The following RAP1GAP2 variants were observed in gnomAD, a reference collection of about 807,000 sequenced individuals.
RAP1GAP2 encodes the protein rap1 GTPase-activating protein 2.
Under a neutral mutation model 95.0 loss-of-function variants are expected in RAP1GAP2, and 27 were observed. The ratio of observed to expected loss-of-function variants is 0.28; its 90% CI spans 0.21 to 0.39. The LOEUF is 0.39. Among genes scored for constraint, RAP1GAP2 ranks in the 10% least tolerant of loss-of-function variants. RAP1GAP2 has a pLI of 1.00. For missense variants in RAP1GAP2, 771 were observed against 970.0 expected (o/e 0.79, Z 2.72); for synonymous variants, 373 against 380.9 (o/e 0.98, Z 0.24).
chr17:3,007,353 C>T (rs2046372807), intron 16 of RAP1GAP2, among the ~76,000 whole-genome samples: 2 of 151,994 alleles, frequency 1.3e-5, no homozygotes, highest in South Asian at 2.1e-4. Context: ...GGTTGCAGGG[C>T]AAGAGGTGCA....
At chr17:2,878,251 A>G (rs946525392) in intron 2 of RAP1GAP2, among the ~76,000 whole-genome samples, 1 of 152,072 alleles carries the variant, frequency 6.6e-6, no homozygotes, top group East Asian at 1.9e-4. Flanking sequence ...AAGAGAACCT[A>G]GGAGGAGGAG....
At chr17:2,930,039 G>A (rs772587371) in intron 3 of RAP1GAP2, among the ~76,000 whole-genome samples, 3 of 152,212 alleles carry the variant, frequency 2.0e-5, no homozygotes, top group Non-Finnish European at 2.9e-5. Flanking sequence ...AGTGCCTTGG[G>A]GCCATGGTGT....
chr17:2,917,221 G>T (rs1378503585), intron 3 of RAP1GAP2, among the ~76,000 whole-genome samples: 1 of 152,128 alleles, frequency 6.6e-6, no homozygotes, highest in African/African-American at 2.4e-5. Flanking sequence ...TAAGAATACA[G>T]TTTCTGGAGC....
In RAP1GAP2 at chr17:2,867,593, T is replaced by C. The variant is rs2072667354; in HGVS notation, c.81-37691T>C. Among the ~76,000 whole-genome samples the C allele has an allele frequency of 6.6e-6, 1 of 152,160 alleles. No individual in the cohort carries two copies. Among genetic ancestry groups the C allele is most frequent in the African/African-American group, 2.4e-5 (1 of 41,444 alleles). ...TGAGTCACATACGCATCCCTGAACTTTGGCCAGAGGGGTGGGATACACTGA... is the reference window on the plus strand; with the variant it reads ...TGAGTCACATACGCATCCCTGAACTCTGGCCAGAGGGGTGGGATACACTGA... On this transcript the variant is annotated intron_variant, in intron 2 of 24. Coordinates refer to ENST00000254695, the MANE Select transcript of RAP1GAP2 (RefSeq NM_015085.5). The surrounding 1 kb of genome is among the most constrained non-coding windows in gnomAD (Gnocchi z 4.5).
intron 11 of RAP1GAP2, among the ~76,000 whole-genome samples, chr17:2,987,381 G>A (rs2045590758): frequency 1.3e-5 from 2 of 151,064 alleles, no homozygotes; most frequent in South Asian, 4.2e-4. Context: ...TTATTTTTTT[G>A]AGACGGAGTT....
intron 3 of RAP1GAP2, among the ~76,000 whole-genome samples, chr17:2,942,453 G>A (rs1447633388): frequency 6.6e-6 from 1 of 152,016 alleles, no homozygotes; most frequent in Non-Finnish European, 1.5e-5. Flanking sequence ...TTAAAATTTT[G>A]TGTCATCCAT....
intron 12 of RAP1GAP2, among the ~76,000 whole-genome samples, chr17:2,993,072 A>AAG (rs397857434): frequency 6.7e-6 from 1 of 150,162 alleles, no homozygotes; most frequent in Non-Finnish European, 1.5e-5. Context: ...AAAAAAAAAA[A>AAG]TTAGGCAGGC....
chr17:2,908,068 G>A (rs1267867277), intron 3 of RAP1GAP2, among the ~76,000 whole-genome samples: 5 of 152,044 alleles, frequency 3.3e-5, no homozygotes, highest in Admixed American at 2.0e-4. Context: ...GCCTCCCAAA[G>A]TGCTGGGATT....
At chr17:2,919,978 G>A (rs1312559484) in intron 3 of RAP1GAP2, among the ~76,000 whole-genome samples, 1 of 151,620 alleles carries the variant, frequency 6.6e-6, no homozygotes, top group Admixed American at 6.6e-5. Flanking sequence ...TGGGATGACA[G>A]GCGTGAGCCG....
chr17:3,013,361 G>T (rs1282255331), intron 17 of RAP1GAP2, among the ~76,000 whole-genome samples: 2 of 152,188 alleles, frequency 1.3e-5, no homozygotes, highest in Non-Finnish European at 2.9e-5. Flanking sequence ...GGATGGCCCC[G>T]CTGTTTTGGG....
Position 3,005,463 on chromosome 17 carries a change from C to T in RAP1GAP2, c.1272+23C>T, listed in dbSNP as rs754145849. The stretch of plus-strand genomic sequence containing the variant: ...AAGGTAGGACACTCTTCCTTCTGCC[C>T]CTCTCGCATCCACGATGCCAGGTCT... On this transcript the variant is annotated intron_variant, in intron 15 of 24. Transcript: ENST00000254695. The surrounding 1 kb of genome is among the most constrained non-coding windows in gnomAD (Gnocchi z 5.2). 104 of 1,595,022 alleles carry T rather than the reference C, an allele frequency of 6.5e-5. No homozygotes were observed. The highest frequency in any genetic ancestry group is 8.3e-5 in the Non-Finnish European group (96 of 1,162,850).
intron 2 of RAP1GAP2, among the ~76,000 whole-genome samples, chr17:2,883,067 G>A (rs769067149): frequency 1.4e-4 from 22 of 152,214 alleles, no homozygotes; most frequent in African/African-American, 2.4e-4. Context: ...TGTCTTGGTC[G>A]GGGTTATGTG....
At chr17:2,929,409 C>A (rs73294658) in intron 3 of RAP1GAP2, among the ~76,000 whole-genome samples, 3,016 of 152,056 alleles carry the variant, frequency 0.02, 109 homozygotes, top group African/African-American at 0.068. Context: ...CTGTGATGGG[C>A]GGCATTTATT....
intron 2 of RAP1GAP2, among the ~76,000 whole-genome samples, chr17:2,887,477 C>T (rs891265448): frequency 3.3e-5 from 5 of 151,658 alleles, no homozygotes; most frequent in African/African-American, 7.3e-5. Context: ...TGGGTTCAAG[C>T]GATTTTCCTG....
chr17:2,990,623 C>G (rs932860476), intron 11 of RAP1GAP2, among the ~76,000 whole-genome samples: 7 of 152,216 alleles, frequency 4.6e-5, no homozygotes, highest in African/African-American at 1.7e-4. Context: ...TATAGTGACT[C>G]TGCATTTAGC....
intron 3 of RAP1GAP2, among the ~76,000 whole-genome samples, chr17:2,922,667 C>G (rs1325221652): frequency 1.3e-5 from 2 of 152,086 alleles, no homozygotes; most frequent in African/African-American, 4.8e-5. Context: ...CCCTGCTGCC[C>G]CGGGACCTGG....
chr17:2,784,891 C>T (rs2068738351), intron 1 of RAP1GAP2, among the ~76,000 whole-genome samples: 1 of 152,208 alleles, frequency 6.6e-6, no homozygotes, highest in Admixed American at 6.5e-5. Flanking sequence ...TGGGATGAAC[C>T]CCACCAGACC....
chr17:3,005,537 A>G lies in RAP1GAP2; in HGVS notation c.1272+97A>G, dbSNP rs1268959422. 2 of 1,361,874 alleles carry G rather than the reference A, an allele frequency of 1.5e-6. No individual in the cohort carries two copies. The highest frequency in any genetic ancestry group is 2.1e-6 in the Non-Finnish European group (2 of 951,024). The allele number at this position is 1,361,874 out of a possible 1,614,324, so 84.4% of individuals were successfully genotyped here. A position where few individuals can be genotyped will look rare whatever the true frequency, so the allele number is the denominator to read the frequency against. The stretch of plus-strand genomic sequence containing the variant: ...GGATGGAGCCAAATTCAGGCTGGGA[A>G]CATTAGGGAGCTCCTTTTGCAGGTT... On this transcript the variant is annotated intron_variant, in intron 15 of 24. Coordinates refer to ENST00000254695, the MANE Select transcript of RAP1GAP2 (RefSeq NM_015085.5). This position sits in a 1 kb window ranked among gnomAD's most constrained non-coding sequence, Gnocchi z 5.2.
chr17:2,792,260 T>A (rs2068945219), upstream of RAP1GAP2, among the ~76,000 whole-genome samples: 1 of 151,900 alleles, frequency 6.6e-6, no homozygotes, highest in Admixed American at 6.6e-5. Context: ...GAGCAGGGGG[T>A]CAAGAAGCTG....
Sources: gnomAD v4.1 joint callset for allele counts (sites outside exome capture counted in the v4.1 genomes callset) on GRCh38, gnomAD v4.1.1 for gene constraint, Gnocchi (gnomAD v3.1) non-coding constraint, MANE v1.5 for transcripts, NCBI Gene and HGNC (gene_info 2026-07-23, HGNC 2026-07-21) for gene names.